ATE1: variants seen among roughly 807,000 people sequenced by gnomAD.
ATE1 encodes arginyl-tRNA--protein transferase 1.
Under a neutral mutation model 70.5 loss-of-function variants are expected in ATE1, and 36 were observed. That is an observed-to-expected ratio of 0.51 (90% CI 0.39 to 0.67). The LOEUF is 0.67. Ranked by LOEUF, ATE1 falls within the 30% of genes least tolerant of loss-of-function variation. ATE1 has a pLI of 0.00. For missense variants in ATE1, 593 were observed against 629.5 expected (o/e 0.94, Z 0.62); for synonymous variants, 232 against 219.3 (o/e 1.06, Z -0.51).
At position 121,740,719 on chromosome 10, in the gene ATE1, T is replaced by C. The variant is rs527730001; in HGVS notation, c.*2961A>G. ...AAGCCTATAAAATCAAAGCATATAC[T>C]GTTCAGAAATCTGGAAAGGTTCTTT... On this transcript the variant is annotated 3_prime_UTR_variant, in exon 12 of 12. Transcript: ENST00000224652. 8.8e-4 allele frequency: 134 copies of C among 152,350 alleles called. No individual in the cohort carries two copies. The highest frequency in any genetic ancestry group is 2.9e-3 in the African/African-American group (121 of 41,592). The allele number at this position is 152,350 out of a possible 1,614,324, so 9.4% of individuals were successfully genotyped here. A position where few individuals can be genotyped will look rare whatever the true frequency, so the allele number is the denominator to read the frequency against.
At chr10:121,788,071 G>A (rs975920955) in intron 11 of ATE1, among the ~76,000 whole-genome samples, 1 of 152,174 alleles carries the variant, frequency 6.6e-6, no homozygotes, top group Non-Finnish European at 1.5e-5. Flanking sequence ...TTAGTAAGAT[G>A]TTCAGCAGTT....
At chr10:121,887,819 T>C (rs1477652889) in intron 7 of ATE1, among the ~76,000 whole-genome samples, 2 of 152,032 alleles carry the variant, frequency 1.3e-5, no homozygotes, top group African/African-American at 2.4e-5. Flanking sequence ...TGGTGAGAGG[T>C]AGGGAGTTGT....
intron 11 of ATE1, among the ~76,000 whole-genome samples, chr10:121,777,181 G>A (rs371150573): frequency 5.5e-4 from 84 of 152,274 alleles, no homozygotes; most frequent in Non-Finnish European, 9.6e-4. Context: ...AATGACTGGC[G>A]GGACTAGAAA....
At chr10:121,919,984 T>A (rs2134569198) in intron 3 of ATE1, among the ~76,000 whole-genome samples, 1 of 151,794 alleles carries the variant, frequency 6.6e-6, no homozygotes, top group East Asian at 1.9e-4. Flanking sequence ...TCAAAATGGT[T>A]TGCAACCCAA....
At chr10:121,924,174 C>A (rs186814557) in intron 2 of ATE1, 92 bp downstream of exon 2, 257 of 1,252,674 alleles carry the variant, frequency 2.1e-4, no homozygotes, top group Non-Finnish European at 5.5e-5. Context: ...TTTCTTAAAC[C>A]TCTTTCCAAC....
chr10:121,759,723 C>CAAAAA (rs869041308), intron 11 of ATE1, among the ~76,000 whole-genome samples: 1 of 72,744 alleles, frequency 1.4e-5, no homozygotes, highest in African/African-American at 5.0e-5. Flanking sequence ...GACTCCGTCT[C>CAAAAA]AAAAAAAAAA....
chr10:121,792,416 G>A (rs1046636644), intron 10 of ATE1, among the ~76,000 whole-genome samples: 50 of 152,274 alleles, frequency 3.3e-4, no homozygotes, highest in African/African-American at 1.1e-3. Context: ...ACAGGGTGAA[G>A]ACCAGAAGTC....
At chr10:121,908,333 G>A (rs1437068075) in intron 5 of ATE1, among the ~76,000 whole-genome samples, 4 of 151,998 alleles carry the variant, frequency 2.6e-5, no homozygotes, top group Admixed American at 6.6e-5. Flanking sequence ...GCTAAACCCC[G>A]TCTCTACTAA....
intron 3 of ATE1, 32 bp downstream of exon 3, chr10:121,922,317 T>C (rs1951913495): frequency 1.4e-6 from 2 of 1,429,822 alleles, no homozygotes; most frequent in East Asian, 2.3e-5. Context: ...CTTCATACTA[T>C]AAATCCTCTT....
chr10:121,859,345 C>T (rs10887001), intron 8 of ATE1, among the ~76,000 whole-genome samples: 47,266 of 149,544 alleles, frequency 0.32, 7,638 homozygotes, highest in South Asian at 0.43. Context: ...CAAGCTCCGC[C>T]TCCCGGGTTC....
intron 10 of ATE1, among the ~76,000 whole-genome samples, chr10:121,798,255 A>G (rs1946736188): frequency 6.6e-6 from 1 of 152,242 alleles, no homozygotes; most frequent in South Asian, 2.1e-4. Flanking sequence ...GACATAATCA[A>G]GACAGGGGCT....
chr10:121,816,047 A>T (rs1364972127), intron 10 of ATE1, among the ~76,000 whole-genome samples: 1 of 152,158 alleles, frequency 6.6e-6, no homozygotes, highest in African/African-American at 2.4e-5. Context: ...AGAAATAGGA[A>T]CTCAGAATGG....
chr10:121,812,817 G>T lies in ATE1; in HGVS notation c.1258-22528C>A, dbSNP rs372732196. 9.9e-5 allele frequency among the ~76,000 whole-genome samples: 15 copies of T among 152,228 alleles called. No homozygotes were observed. The South Asian group carries it at 2.1e-3, about 21-fold the overall frequency. ...ATTATGGCTCAAATTAAGTTAAACT[G>T]GGATAGCTCCAGGTCACAAAAGTAA... On this transcript the variant is annotated intron_variant, in intron 10 of 11. Coordinates refer to ENST00000224652, the MANE Select transcript of ATE1 (RefSeq NM_001001976.3).
In ATE1 at chr10:121,914,069, A is replaced by AT. The variant is rs375211977; in HGVS notation, c.234-177dup. Among the ~76,000 whole-genome samples the AT allele has an allele frequency of 3.7e-3, 560 of 149,856 alleles. 5 individuals carry two copies. The highest frequency in any genetic ancestry group is 0.012 in the African/African-American group (482 of 40,822). On this transcript the variant is annotated intron_variant, in intron 3 of 11. Transcript: ENST00000224652. Reference sequence around the variant, plus strand: ...ATCACACTAAGATTATAGTTAAGAGATTTTTTTTTTCTTTTGAGATAGAGT... The same window carrying AT: ...ATCACACTAAGATTATAGTTAAGAGATTTTTTTTTTTCTTTTGAGATAGAGT...
chr10:121,915,772 T>G (rs1951626481), intron 3 of ATE1, among the ~76,000 whole-genome samples: 1 of 151,064 alleles, frequency 6.6e-6, no homozygotes, highest in Non-Finnish European at 1.5e-5. Flanking sequence ...GCACCTGTAG[T>G]TCCAGCTACT....
At chr10:121,771,761 A>G (rs1945527404) in intron 11 of ATE1, among the ~76,000 whole-genome samples, 1 of 152,206 alleles carries the variant, frequency 6.6e-6, no homozygotes, top group South Asian at 2.1e-4. Flanking sequence ...TCTGCTCTCA[A>G]AATGTGGAGA....
Position 121,902,377 on chromosome 10 carries a change from G to T in ATE1, c.813+14C>A, listed in dbSNP as rs1363926706. On this transcript the variant is annotated intron_variant, in intron 6 of 11. Transcript: ENST00000224652. ...AATCATAATAAAACAAACAACAAAA[G>T]TCCTCCAAAGTACCTCTAACTTGTG... is the stretch of plus-strand genomic sequence containing the variant. 3.8e-6 allele frequency: 6 copies of T among 1,592,878 alleles called. No homozygotes were observed. The highest frequency in any genetic ancestry group is 5.1e-6 in the Non-Finnish European group (6 of 1,168,154).
At chr10:121,791,229 G>A (rs1418109544) in intron 10 of ATE1, among the ~76,000 whole-genome samples, 1 of 151,606 alleles carries the variant, frequency 6.6e-6, no homozygotes, top group Non-Finnish European at 1.5e-5. Context: ...AAGTAGCTGG[G>A]GTTACTGGTG....
At chr10:121,869,689 AAC>A (rs1949783826) in intron 8 of ATE1, among the ~76,000 whole-genome samples, 1 of 152,224 alleles carries the variant, frequency 6.6e-6, no homozygotes, top group Non-Finnish European at 1.5e-5. Flanking sequence ...CTGTTAAATA[AAC>A]AGTTACAGGA....
Sources: gnomAD v4.1 joint callset for allele counts (sites outside exome capture counted in the v4.1 genomes callset) on GRCh38, gnomAD v4.1.1 for gene constraint, MANE v1.5 for transcripts, NCBI Gene and HGNC (gene_info 2026-07-23, HGNC 2026-07-21) for gene names.